Variants in OSBPL9 observed in about 807,000 individuals in gnomAD.
The protein encoded by OSBPL9 is oxysterol binding protein like 9.
OSBPL9 carries 40 observed loss-of-function variants against 106.6 expected under a neutral mutation model. The ratio of observed to expected loss-of-function variants is 0.38; its 90% confidence interval spans 0.29 to 0.49. The LOEUF (loss-of-function observed/expected upper bound fraction) is 0.49. Among genes scored for constraint, OSBPL9 ranks in the 20% least tolerant of loss-of-function variants. The pLI, the probability that OSBPL9 is intolerant of heterozygous loss-of-function variation, is 0.97. For missense variants in OSBPL9, 609 were observed against 887.2 expected (o/e 0.69, Z 3.98); for synonymous variants, 269 against 295.4 (o/e 0.91, Z 0.92).
intron 4 of OSBPL9, among the ~76,000 whole-genome samples, chr1:51,744,874 C>T (rs1052916689): frequency 3.9e-5 from 6 of 152,102 alleles, no homozygotes; most frequent in East Asian, 1.9e-4. Flanking sequence ...ACTTTTAGAC[C>T]GAGAAATAAG....
intron 3 of OSBPL9, chr1:51,707,729 C>T (rs560861301): frequency 1.1e-5 from 2 of 182,710 alleles, no homozygotes; most frequent in Non-Finnish European, 2.3e-5. Context: ...TATTTTCTTA[C>T]TTCTCATGGT....
intron 3 of OSBPL9, among the ~76,000 whole-genome samples, chr1:51,713,045 C>T (rs1490187646): frequency 6.6e-6 from 1 of 152,226 alleles, no homozygotes; most frequent in African/African-American, 2.4e-5. Flanking sequence ...CCAACTAGAA[C>T]ATGGACTGTT....
At chr1:51,564,664 A>G in the OSBPL9 span, among the ~76,000 whole-genome samples, 3 of 152,200 alleles carry the variant, frequency 2.0e-5, no homozygotes, top group African/African-American at 7.2e-5. Flanking sequence ...ATTCAACACA[A>G]TTGTGATTGG....
chr1:51,738,466 A>C (rs1004061262), intron 4 of OSBPL9, among the ~76,000 whole-genome samples: 5 of 150,594 alleles, frequency 3.3e-5, no homozygotes, highest in Admixed American at 6.6e-5. Context: ...TCTTTTATGA[A>C]AAAAACTTTC....
chr1:51,740,220 T>C (rs767779840), intron 4 of OSBPL9: 1 of 1,535,596 alleles, frequency 6.5e-7, no homozygotes, highest in Non-Finnish European at 8.8e-7. Context: ...TTGTAAGTGA[T>C]TGAATTGTAA....
chr1:51,573,456 C>T (rs1174533470), upstream of OSBPL9, among the ~76,000 whole-genome samples: 1 of 138,014 alleles, frequency 7.2e-6, no homozygotes, highest in Non-Finnish European at 1.5e-5. Flanking sequence ...TGTGGTGAGC[C>T]GAGATTGTAC....
intron 4 of OSBPL9, among the ~76,000 whole-genome samples, chr1:51,721,966 T>G (rs112702963): frequency 5.9e-5 from 9 of 152,386 alleles, no homozygotes; most frequent in African/African-American, 2.2e-4. Flanking sequence ...TTGTACTAGT[T>G]GTAGAGGATA....
upstream of OSBPL9, among the ~76,000 whole-genome samples, chr1:51,615,535 C>G (rs905781660): frequency 1.3e-5 from 2 of 152,178 alleles, no homozygotes; most frequent in African/African-American, 4.8e-5. Context: ...CTGCTATTCT[C>G]TCTTTTCTCT....
chr1:51,625,274 G>C (rs1644701080), intron 1 of OSBPL9, among the ~76,000 whole-genome samples: 1 of 152,034 alleles, frequency 6.6e-6, no homozygotes, highest in African/African-American at 2.4e-5. Flanking sequence ...CTCCAAAAGT[G>C]GCAATTGTAT....
intron 8 of OSBPL9, among the ~76,000 whole-genome samples, chr1:51,751,822 C>T (rs545378052): frequency 6.6e-6 from 1 of 152,294 alleles, no homozygotes; most frequent in East Asian, 1.9e-4. Context: ...TTTAGCCACT[C>T]ATCGAGAACA....
chr1:51,591,966 G>A (rs1645277302), intron 1 of OSBPL9, among the ~76,000 whole-genome samples: 1 of 152,038 alleles, frequency 6.6e-6, no homozygotes, highest in African/African-American at 2.4e-5. Flanking sequence ...CTGGACCCCC[G>A]TAGCCAACCC....
chr1:51,577,324 T>TC (rs1332019281), intron 1 of OSBPL9: 1 of 109,268 alleles, frequency 9.2e-6, no homozygotes, highest in African/African-American at 6.2e-5. Flanking sequence ...TTCTTTTCTT[T>TC]TTTTTTTTTT....
chr1:51,690,395 A>T lies in OSBPL9; in HGVS notation c.241+20883A>T, dbSNP rs534254594. ...TTCCAGAGACTCACAGCATTGCCTC[A>T]TATTGTCGAAGTGGAAGTTGTGGGG... is the stretch of plus-strand genomic sequence containing the variant. On this transcript the variant is annotated intron_variant, in intron 3 of 23. Transcript: ENST00000428468. 4.6e-5 allele frequency among the ~76,000 whole-genome samples: 7 copies of T among 152,298 alleles called. No homozygotes were observed. The South Asian group carries it at 1.2e-3, about 27-fold the overall frequency.
At chr1:51,773,645 G>C (rs1358705223) in intron 14 of OSBPL9, among the ~76,000 whole-genome samples, 1 of 152,090 alleles carries the variant, frequency 6.6e-6, no homozygotes, top group Non-Finnish European at 1.5e-5. Flanking sequence ...ATTAAATTTA[G>C]AGTTCTCACT....
At chr1:51,747,495 A>G in intron 6 of OSBPL9, among the ~76,000 whole-genome samples, 1 of 150,458 alleles carries the variant, frequency 6.6e-6, no homozygotes, top group South Asian at 2.1e-4. Flanking sequence ...CATTTCTGAC[A>G]GCTACTTTGT....
the OSBPL9 span, among the ~76,000 whole-genome samples, chr1:51,543,765 A>C: frequency 1.3e-5 from 2 of 152,132 alleles, no homozygotes; most frequent in Non-Finnish European, 2.9e-5. Context: ...CAGAGAAGAA[A>C]CTGGAGCCAA....
At chr1:51,700,632 C>T (rs982695410) in intron 3 of OSBPL9, among the ~76,000 whole-genome samples, 1 of 151,954 alleles carries the variant, frequency 6.6e-6, no homozygotes, top group South Asian at 2.1e-4. Flanking sequence ...CTGTTGTTTC[C>T]TTGTCTCAGT....
At chr1:51,557,640 G>A in the OSBPL9 span, among the ~76,000 whole-genome samples, 2 of 152,172 alleles carry the variant, frequency 1.3e-5, no homozygotes, top group Non-Finnish European at 2.9e-5. Flanking sequence ...TATCCCACTT[G>A]AGTAATAACA....
intron 1 of OSBPL9, among the ~76,000 whole-genome samples, chr1:51,641,175 G>A (rs1645771124): frequency 1.3e-5 from 2 of 152,246 alleles, no homozygotes; most frequent in South Asian, 4.1e-4. Flanking sequence ...TTAAGAAATG[G>A]ACCAAGCAGG....
Sources: allele counts gnomAD v4.1 joint callset (sites outside exome capture counted in the v4.1 genomes callset), GRCh38; gene constraint gnomAD v4.1.1; transcripts MANE v1.5; gene names NCBI Gene and HGNC (gene_info 2026-07-23, HGNC 2026-07-21).